MTA3: variants seen among roughly 807,000 people sequenced by gnomAD.
MTA3 encodes the protein metastasis associated 1 family member 3.
MTA3 carries 34 observed loss-of-function variants against 83.5 expected under a neutral mutation model. The observed-to-expected ratio is 0.41, with a 90% CI of 0.31 to 0.54. The LOEUF is 0.54. Ranked by LOEUF, MTA3 falls within the 20% of genes least tolerant of loss-of-function variation. The probability of loss-of-function intolerance (pLI) is 0.33; values close to 1 mark genes in which losing one functional copy is unlikely to be tolerated. For missense variants in MTA3, 761 were observed against 726.4 expected, an observed-to-expected ratio of 1.05 and a Z score of -0.55; for synonymous variants, 303 against 252.7, an observed-to-expected ratio of 1.20 and a Z score of -1.89.
chr2:42,586,505 CACACACACAA>C (rs1396435279), intron 3 of MTA3, among the ~76,000 whole-genome samples: 5 of 147,334 alleles, frequency 3.4e-5, no homozygotes, highest in East Asian at 2.0e-4. Flanking sequence ...CACACACACA[CACACACACAA>C]ACACACAAAG....
At chr2:42,537,990 T>C (rs1676328205) in intron 2 of MTA3, among the ~76,000 whole-genome samples, 1 of 152,120 alleles carries the variant, frequency 6.6e-6, no homozygotes, top group Admixed American at 6.6e-5. Context: ...CCCAGCACTT[T>C]GGGTGGCCGA....
chr2:42,591,747 T>G (rs905920274), intron 3 of MTA3, among the ~76,000 whole-genome samples: 4 of 152,086 alleles, frequency 2.6e-5, no homozygotes, highest in African/African-American at 4.8e-5. Context: ...GCCTTCCAGG[T>G]TCAAGCAATT....
At chr2:42,720,951 C>CAAAAAAAAAAAAAAAAAAAAA (rs377702701) in intron 15 of MTA3, among the ~76,000 whole-genome samples, 3 of 69,582 alleles carry the variant, frequency 4.3e-5, no homozygotes, top group Non-Finnish European at 8.4e-5. Flanking sequence ...GACCCTGTCT[C>CAAAAAAAAAAAAAAAAAAAAA]AAAAAAAAAA....
rs1483496324 is a variant in MTA3 at position 42,662,846 on chromosome 2, C to T, written c.702+2984C>T. Reference sequence around the variant, plus strand: ...TCCCGGGTTCAAGTGATTCTTCTGCCTCAGCCTCCCGAGTAGCTGGGATTA... The same window carrying T: ...TCCCGGGTTCAAGTGATTCTTCTGCTTCAGCCTCCCGAGTAGCTGGGATTA... On this transcript the variant is annotated intron_variant, in intron 8 of 16. Transcript: ENST00000405094. 1.3e-5 allele frequency among the ~76,000 whole-genome samples: 2 copies of T among 151,740 alleles called. 1 individual carries two copies. The highest frequency in any genetic ancestry group is 3.9e-4 in the East Asian group (2 of 5,180).
chr2:42,581,548 C>CT lies in MTA3; in HGVS notation c.190+2362dup, dbSNP rs200463680. Among the ~76,000 whole-genome samples, 454 of 137,806 alleles carry CT rather than the reference C, an allele frequency of 3.3e-3. 6 individuals carry two copies. In the East Asian group the frequency reaches 0.035, roughly 11 times the overall value. 90.4% of individuals were successfully genotyped at this position (137,806 alleles called of 152,430 possible). A position where few individuals can be genotyped will look rare whatever the true frequency, so the allele number is the denominator to read the frequency against. ...TCACCGTGCCTAGCTAATTAAAAAA[C>CT]TTTTTTTTTTTTTTGGTAGAAATGG... On this transcript the variant is annotated intron_variant, in intron 3 of 16. Coordinates refer to ENST00000405094, the MANE Select transcript of MTA3 (RefSeq NM_001330442.2).
chr2:42,609,613 C>G, intron 4 of MTA3, 29 bp downstream of exon 4: 2 of 1,610,284 alleles, frequency 1.2e-6, no homozygotes, highest in Non-Finnish European at 1.7e-6. Flanking sequence ...CTAAGGTACT[C>G]AGTACTACGG....
intron 2 of MTA3, among the ~76,000 whole-genome samples, chr2:42,549,113 C>T (rs1352401891): frequency 1.5e-5 from 2 of 137,826 alleles, no homozygotes; most frequent in African/African-American, 5.4e-5. Context: ...GCGGAGCTTG[C>T]AGTGAGCCGA....
intron 3 of MTA3, among the ~76,000 whole-genome samples, chr2:42,591,401 A>G (rs562485772): frequency 1.3e-5 from 2 of 152,324 alleles, no homozygotes; most frequent in South Asian, 4.1e-4. Context: ...TACATACTGT[A>G]CACCACTGTA....
chr2:42,723,106 A>G (rs1470743299), intron 16 of MTA3, 71 bp downstream of exon 16: 2 of 1,444,060 alleles, frequency 1.4e-6, no homozygotes, highest in Non-Finnish European at 1.9e-6. Context: ...TGTCTGCCAC[A>G]TCCAAAAATA....
intron 9 of MTA3, among the ~76,000 whole-genome samples, chr2:42,693,690 C>A (rs1693119947): frequency 6.6e-6 from 1 of 152,204 alleles, no homozygotes; most frequent in Admixed American, 6.5e-5. Context: ...AAATTCTGTT[C>A]AGGAACTGAG....
intron 8 of MTA3, among the ~76,000 whole-genome samples, chr2:42,673,333 A>G (rs1341359460): frequency 6.6e-6 from 1 of 152,176 alleles, no homozygotes; most frequent in Non-Finnish European, 1.5e-5. Context: ...GTAACTGAAC[A>G]AATCAGTACA....
chr2:42,518,728 A>C (rs1675268775), intron 2 of MTA3, among the ~76,000 whole-genome samples: 1 of 151,826 alleles, frequency 6.6e-6, no homozygotes, highest in Non-Finnish European at 1.5e-5. Flanking sequence ...TGTAATCCCA[A>C]CACTTTGGGA....
rs115084964 is a variant in MTA3 at position 42,521,258 on chromosome 2, G to A, written c.-141+26004G>A. The stretch of plus-strand genomic sequence containing the variant: ...TGAGCTGCTTTTTAGAGAGGCCTAC[G>A]CAGAAAGGAACTGACATCTCTGGCC... On this transcript the variant is annotated intron_variant, in intron 2 of 17. Transcript: ENST00000405592. 5.4e-3 allele frequency among the ~76,000 whole-genome samples: 825 copies of A among 152,220 alleles called. 4 individuals carry two copies. Among genetic ancestry groups the A allele is most frequent in the Non-Finnish European group, 9.8e-3 (669 of 68,024 alleles).
At chr2:42,599,144 C>G (rs986381263) in intron 3 of MTA3, among the ~76,000 whole-genome samples, 2 of 152,112 alleles carry the variant, frequency 1.3e-5, no homozygotes, top group Non-Finnish European at 2.9e-5. Flanking sequence ...TTCCTTTCCG[C>G]AAGTTTTTCC....
intron 3 of MTA3, among the ~76,000 whole-genome samples, chr2:42,603,396 A>T (rs1238752477): frequency 6.6e-6 from 1 of 152,194 alleles, no homozygotes; most frequent in Non-Finnish European, 1.5e-5. Context: ...TAGCAAGTGA[A>T]AAATAGTACA....
intron 2 of MTA3, among the ~76,000 whole-genome samples, chr2:42,552,515 T>A (rs1050828163): frequency 6.6e-6 from 1 of 151,042 alleles, no homozygotes; most frequent in Non-Finnish European, 1.5e-5. Flanking sequence ...CCCAACACTT[T>A]GGGAAGTGAG....
At chr2:42,594,705 C>CATACATATATATAT (rs1681493968) in intron 3 of MTA3, among the ~76,000 whole-genome samples, 1 of 46,504 alleles carries the variant, frequency 2.2e-5, no homozygotes, top group Admixed American at 4.5e-4. Flanking sequence ...TATAAATATA[C>CATACATATATATAT]ATATATATAT....
intron 2 of MTA3, among the ~76,000 whole-genome samples, chr2:42,519,417 C>A (rs187002150): frequency 6.6e-6 from 1 of 150,678 alleles, no homozygotes; most frequent in Non-Finnish European, 1.5e-5. Flanking sequence ...ACCAGCCTGG[C>A]CAACATGGTG....
intron 8 of MTA3, among the ~76,000 whole-genome samples, chr2:42,673,863 C>T (rs1691075084): frequency 6.6e-6 from 1 of 152,204 alleles, no homozygotes; most frequent in Non-Finnish European, 1.5e-5. Flanking sequence ...AAAAGATCAG[C>T]AGCTGAGGAC....
Sources: allele counts gnomAD v4.1 joint callset (sites outside exome capture counted in the v4.1 genomes callset), GRCh38; gene constraint gnomAD v4.1.1; transcripts MANE v1.5; gene names NCBI Gene and HGNC (gene_info 2026-07-23, HGNC 2026-07-21).